Variants in NAV3 observed in about 807,000 individuals in gnomAD.
NAV3 encodes the protein neuron navigator 3, also known as pore membrane and/or filament interacting like protein 1.
NAV3 carries 87 observed loss-of-function variants against 244.7 expected under a neutral mutation model. The ratio of observed to expected loss-of-function variants is 0.36; its 90% CI spans 0.30 to 0.42. NAV3 has a LOEUF of 0.42. NAV3 is among the 20% of genes least tolerant of loss of function. The probability of loss-of-function intolerance (pLI) is 1.00; values close to 1 mark genes in which losing one functional copy is unlikely to be tolerated. For synonymous variants in NAV3, 1,126 were observed against 1,042.2 expected (o/e 1.08, Z -1.55); for missense variants, 2,663 against 2,893.3 (o/e 0.92, Z 1.83).
intron 12 of NAV3, among the ~76,000 whole-genome samples, chr12:78,092,499 T>C (rs1369336028): frequency 5.2e-5 from 7 of 134,480 alleles, no homozygotes; most frequent in South Asian, 2.6e-4. Context: ...TTCTTTTTTT[T>C]TTTTTTTTTT....
In NAV3 at chr12:78,185,652, G is replaced by T. The variant is rs370402305; in HGVS notation, c.5744G>T (p.Ser1915Ile). The change falls in exon 31 of 40, where the codon AGT becomes ATT. Residue 1915 changes from serine (S) to isoleucine (I), a missense_variant. Ser to Ile is a moderately radical substitution (Grantham distance 142, BLOSUM62 -2). This residue lies in a region of NAV3 where 543 missense variants were observed against 672.4 expected (regional missense o/e 0.81). Transcript: ENST00000397909. ...GCAACTGGACATAAAGATGGCCGCA[G>T]TGTGAAAATTATAGTCTCCATAAGC... The part of the protein sequence containing the change: ...GDATGHKDGR[S>I]VKIIVSISKG... 6.2e-7 allele frequency: 1 copy of T among 1,608,494 alleles called. No individual in the cohort carries two copies. Among genetic ancestry groups the T allele is most frequent in the African/African-American group, 1.3e-5 (1 of 74,684 alleles).
intron 5 of NAV3, among the ~76,000 whole-genome samples, chr12:77,981,290 A>G: frequency 6.6e-6 from 1 of 152,186 alleles, no homozygotes; most frequent in East Asian, 1.9e-4. Flanking sequence ...TATTTGCAGA[A>G]GTGGCTAAAT....
At chr12:77,823,526 T>C (rs1872833384) in intron 2 of NAV3, among the ~76,000 whole-genome samples, 1 of 152,232 alleles carries the variant, frequency 6.6e-6, no homozygotes, top group Non-Finnish European at 1.5e-5. Flanking sequence ...CCACAAGGTG[T>C]GTGTTAGATT....
At chr12:77,922,656 A>G (rs369666185) in intron 1 of NAV3, among the ~76,000 whole-genome samples, 3 of 152,138 alleles carry the variant, frequency 2.0e-5, no homozygotes, top group East Asian at 3.9e-4. Context: ...TTCCTCAACC[A>G]GAAACTTCTT....
intron 2 of NAV3, among the ~76,000 whole-genome samples, chr12:77,733,578 A>T (rs1405654712): frequency 6.6e-6 from 1 of 152,042 alleles, no homozygotes; most frequent in Admixed American, 6.6e-5. Context: ...ATCTGTGATC[A>T]CTTGACAAAT....
At chr12:77,949,738 C>G (rs1427127910) in intron 3 of NAV3, among the ~76,000 whole-genome samples, 1 of 151,936 alleles carries the variant, frequency 6.6e-6, no homozygotes, top group Non-Finnish European at 1.5e-5. Flanking sequence ...TTAAAGTTTA[C>G]TCTTGGTATT....
At chr12:77,984,781 C>T (rs1417582600) in intron 5 of NAV3, among the ~76,000 whole-genome samples, 2 of 152,012 alleles carry the variant, frequency 1.3e-5, no homozygotes, top group Admixed American at 6.6e-5. Flanking sequence ...TCTTTCCAAA[C>T]TTGAATTTGA....
chr12:78,154,202 ACTCTAGGT>A (rs1957187802), intron 22 of NAV3, among the ~76,000 whole-genome samples: 2 of 113,534 alleles, frequency 1.8e-5, no homozygotes, highest in Admixed American at 2.1e-4. Context: ...TATTATATAT[ACTCTAGGT>A]ATACATATAT....
At chr12:77,778,296 T>G (rs1262625699) in intron 2 of NAV3, among the ~76,000 whole-genome samples, 3 of 150,752 alleles carry the variant, frequency 2.0e-5, no homozygotes, top group African/African-American at 7.3e-5. Context: ...TCCCCTATTT[T>G]GTTTTCCAAA....
At chr12:77,834,646 G>A (rs1006545223) in intron 1 of NAV3, among the ~76,000 whole-genome samples, 3 of 152,104 alleles carry the variant, frequency 2.0e-5, no homozygotes, top group Admixed American at 2.0e-4. Flanking sequence ...AGCACTATAA[G>A]CACTGTTTTC....
intron 2 of NAV3, among the ~76,000 whole-genome samples, chr12:77,687,134 C>T (rs74104994): frequency 4.6e-5 from 7 of 152,084 alleles, no homozygotes; most frequent in African/African-American, 1.7e-4. Flanking sequence ...AATGTCTTAT[C>T]CCTGGTCTAT....
intron 7 of NAV3, among the ~76,000 whole-genome samples, chr12:78,000,792 C>T (rs1386747915): frequency 2.0e-5 from 3 of 150,912 alleles, no homozygotes; most frequent in East Asian, 2.0e-4. Flanking sequence ...CGTGAGCCAC[C>T]GCGCCCGGCC....
At chr12:77,778,831 A>G (rs1239933252) in intron 2 of NAV3, among the ~76,000 whole-genome samples, 1 of 152,152 alleles carries the variant, frequency 6.6e-6, no homozygotes, top group Non-Finnish European at 1.5e-5. Context: ...TATTTATGCA[A>G]TTTGAAAAAT....
At chr12:77,789,316 T>C (rs113135164) in intron 2 of NAV3, among the ~76,000 whole-genome samples, 1 of 152,000 alleles carries the variant, frequency 6.6e-6, no homozygotes, top group African/African-American at 2.4e-5. Flanking sequence ...AGCCCTTCCT[T>C]CCCTTACCAA....
intron 33 of NAV3, among the ~76,000 whole-genome samples, chr12:78,188,994 T>C (rs949726716): frequency 4.6e-5 from 7 of 151,898 alleles, no homozygotes; most frequent in Admixed American, 2.6e-4. Flanking sequence ...CTTTGGGTTC[T>C]GGGATTTGAA....
At chr12:77,586,052 C>A (rs1439259226) in intron 2 of NAV3, among the ~76,000 whole-genome samples, 1 of 152,022 alleles carries the variant, frequency 6.6e-6, no homozygotes, top group Non-Finnish European at 1.5e-5. Flanking sequence ...GTCCCAGGTA[C>A]TCGGGAGGCT....
intron 5 of NAV3, among the ~76,000 whole-genome samples, chr12:77,969,366 A>G (rs1892801531): frequency 6.6e-6 from 1 of 152,132 alleles, no homozygotes; most frequent in Non-Finnish European, 1.5e-5. Context: ...AAGCAAGTAA[A>G]TGATATATAA....
chr12:78,139,776 C>T (rs1054702212), intron 19 of NAV3, among the ~76,000 whole-genome samples: 4 of 151,672 alleles, frequency 2.6e-5, no homozygotes, highest in African/African-American at 9.7e-5. Flanking sequence ...ACAGTAATTC[C>T]ACATTTATAA....
At chr12:77,684,267 T>A (rs1874610694) in intron 2 of NAV3, among the ~76,000 whole-genome samples, 1 of 34,152 alleles carries the variant, frequency 2.9e-5, no homozygotes. Context: ...TGCCCATTTT[T>A]AACTATTATT....
Sources: allele counts gnomAD v4.1 joint callset (sites outside exome capture counted in the v4.1 genomes callset), GRCh38; gene constraint gnomAD v4.1.1; regional missense constraint gnomAD v4.1.1; transcripts MANE v1.5; gene names NCBI Gene and HGNC (gene_info 2026-07-23, HGNC 2026-07-21).